TSPAN9: variants seen among roughly 807,000 people sequenced by gnomAD.
TSPAN9 encodes tetraspanin 9.
TSPAN9 carries 16 observed loss-of-function variants against 31.0 expected under a neutral mutation model. The observed-to-expected ratio is 0.52, with a 90% CI of 0.35 to 0.78. TSPAN9 has a LOEUF of 0.78. Among genes scored for constraint, TSPAN9 ranks in the 30% least tolerant of loss-of-function variants. TSPAN9 has a pLI of 0.01. For synonymous variants in TSPAN9, 145 were observed against 121.6 expected, an observed-to-expected ratio of 1.19 and a Z score of -1.27; for missense variants, 272 against 312.5, an observed-to-expected ratio of 0.87 and a Z score of 0.98.
rs777364548 is a variant in TSPAN9, at chr12:3,281,724, C to T, written c.565-10C>T. On this transcript the variant is annotated splice_polypyrimidine_tract_variant and intron_variant, in intron 7 of 8. Transcript: ENST00000011898. ...GCTGGGACCCTAACCTCGTGGGCCT[C>T]GCTCCCCAGGGCTGCTATGAAAAGG... is the stretch of plus-strand genomic sequence containing the variant. 29 of 1,608,036 alleles carry T rather than the reference C, an allele frequency of 1.8e-5. No individual in the cohort carries two copies. Among genetic ancestry groups the T allele is most frequent in the East Asian group, 1.1e-4 (5 of 44,648 alleles).
At chr12:3,190,826 T>C (rs2098363990) in intron 2 of TSPAN9, among the ~76,000 whole-genome samples, 1 of 152,246 alleles carries the variant, frequency 6.6e-6, no homozygotes, top group Non-Finnish European at 1.5e-5. Flanking sequence ...ACAAAGGTTC[T>C]TCCTGTTGCT....
rs74462168 is a variant in TSPAN9, at chr12:3,124,360, T to C, written c.-18+40641T>C. Among the ~76,000 whole-genome samples, 536 of 152,314 alleles carry C rather than the reference T, an allele frequency of 3.5e-3. 16 individuals are homozygous for C. The East Asian group carries it at 0.089, about 25-fold the overall frequency. Reference sequence around the variant, plus strand: ...GTTATATTTTTTCATTGCAGCACTATTTATAGTAGCTAAAAATTGGAAGCA... The same window carrying C: ...GTTATATTTTTTCATTGCAGCACTACTTATAGTAGCTAAAAATTGGAAGCA... On this transcript the variant is annotated intron_variant, in intron 2 of 8. Coordinates refer to ENST00000011898, the MANE Select transcript of TSPAN9 (RefSeq NM_006675.5).
intron 1 of TSPAN9, among the ~76,000 whole-genome samples, chr12:3,081,676 CTG>C (rs1218562097): frequency 6.6e-6 from 1 of 151,878 alleles, no homozygotes; most frequent in Non-Finnish European, 1.5e-5. Flanking sequence ...GTATAAGAGT[CTG>C]TGCTGGGCTG....
intron 3 of TSPAN9, among the ~76,000 whole-genome samples, chr12:3,208,481 G>A (rs1290214778): frequency 6.6e-6 from 1 of 152,216 alleles, no homozygotes; most frequent in Non-Finnish European, 1.5e-5. Context: ...TCCTAGGGGT[G>A]ACAAGTGGGG....
chr12:3,271,322 A>G (rs994483228), intron 3 of TSPAN9, among the ~76,000 whole-genome samples: 5 of 152,204 alleles, frequency 3.3e-5, no homozygotes, highest in East Asian at 1.9e-4. Flanking sequence ...ACTCAAGCCA[A>G]TGGGGCCTTA....
chr12:3,137,706 G>A (rs774869608), intron 2 of TSPAN9, among the ~76,000 whole-genome samples: 1 of 152,186 alleles, frequency 6.6e-6, no homozygotes, highest in Non-Finnish European at 1.5e-5. Context: ...TGCTGAGAGG[G>A]AAGGGGGATT....
In TSPAN9 at chr12:3,229,560, C is replaced by A. The variant is rs186189788; in HGVS notation, c.63+28304C>A. Among the ~76,000 whole-genome samples, 588 of 152,376 alleles carry A rather than the reference C, an allele frequency of 3.9e-3. 2 individuals carry two copies. Among genetic ancestry groups the A allele is most frequent in the Middle Eastern group, 0.017 (5 of 294 alleles). ...CCTTCTGCAGCATCCCTGTCTGGGG[C>A]TTACTGGCAAGTAGCTTTCACCAGG... On this transcript the variant is annotated intron_variant, in intron 3 of 8. Transcript: ENST00000011898.
intron 2 of TSPAN9, among the ~76,000 whole-genome samples, chr12:3,164,577 C>T (rs887998809): frequency 6.6e-6 from 1 of 152,210 alleles, no homozygotes; most frequent in Non-Finnish European, 1.5e-5. Flanking sequence ...GAGATTGACA[C>T]CCAGAGGTTG....
intron 2 of TSPAN9, among the ~76,000 whole-genome samples, chr12:3,198,226 AC>A (rs1468948147): frequency 1.1e-5 from 1 of 88,472 alleles, no homozygotes; most frequent in African/African-American, 4.3e-5. Flanking sequence ...AGCACAGGTC[AC>A]CACCAGCACA....
At chr12:3,095,573 CGGCCG>C (rs2098307866) in intron 2 of TSPAN9, among the ~76,000 whole-genome samples, 2 of 126,334 alleles carry the variant, frequency 1.6e-5, no homozygotes, top group Non-Finnish European at 3.5e-5. Flanking sequence ...CCAGTAGGGG[CGGCCG>C]GGCAGAGGCG....
intron 2 of TSPAN9, among the ~76,000 whole-genome samples, chr12:3,132,482 T>C (rs2098330244): frequency 6.6e-6 from 1 of 152,042 alleles, no homozygotes; most frequent in South Asian, 2.1e-4. Flanking sequence ...TGAAGTGGTA[T>C]CTTACTGTGC....
intron 3 of TSPAN9, among the ~76,000 whole-genome samples, chr12:3,261,508 G>A (rs1054352407): frequency 1.3e-5 from 2 of 152,146 alleles, no homozygotes; most frequent in Admixed American, 6.5e-5. Flanking sequence ...ACTCCCGGCT[G>A]GAAGAATAGA....
rs375991019 is a variant in TSPAN9, at chr12:3,190,113, T to C, written c.-17-11064T>C. On this transcript the variant is annotated intron_variant, in intron 2 of 8. Transcript: ENST00000011898. Reference sequence around the variant, plus strand: ...ACACACTGCCTTCTTCCACATTGGCTCTAGTACCAGCCCCGTAGAGGGAGA... The same window carrying C: ...ACACACTGCCTTCTTCCACATTGGCCCTAGTACCAGCCCCGTAGAGGGAGA... Among the ~76,000 whole-genome samples the C allele has an allele frequency of 1.1e-3, 173 of 152,280 alleles. 5 individuals carry two copies. In the South Asian group the frequency reaches 0.034, roughly 30 times the overall value.
intron 3 of TSPAN9, among the ~76,000 whole-genome samples, chr12:3,218,288 C>CT (rs1377848547): frequency 6.6e-6 from 1 of 152,206 alleles, no homozygotes; most frequent in Non-Finnish European, 1.5e-5. Flanking sequence ...GCTCACAGCT[C>CT]TGAGTGCTTT....
At chr12:3,279,475 T>C (rs963354421) in intron 5 of TSPAN9, among the ~76,000 whole-genome samples, 12 of 152,222 alleles carry the variant, frequency 7.9e-5, no homozygotes, top group African/African-American at 2.7e-4. Flanking sequence ...GGAGGAACTC[T>C]CTGGGCGACG....
chr12:3,196,565 T>A (rs2098367199), intron 2 of TSPAN9, among the ~76,000 whole-genome samples: 1 of 152,214 alleles, frequency 6.6e-6, no homozygotes, highest in Non-Finnish European at 1.5e-5. Flanking sequence ...AGTTACTTTG[T>A]GGGAAGCTGG....
At position 3,281,328 on chromosome 12, in the gene TSPAN9, C is replaced by T. The variant is rs752951874; in HGVS notation, c.563C>T (p.Thr188Met). The change falls in exon 7 of 9, where the codon ACG becomes ATG. Residue 188 changes from threonine (T) to methionine (M), a missense_variant and splice_region_variant. Coordinates refer to ENST00000011898, the MANE Select transcript of TSPAN9 (RefSeq NM_006675.5). ...GRNATTPLWR[T>M]GCYEKVKMWF... Reference sequence around the variant, plus strand: ...AACGCCACCACGCCTTTGTGGAGAACGGTGAGGCTGGGGATGGACCGCTTG... The same window carrying T: ...AACGCCACCACGCCTTTGTGGAGAATGGTGAGGCTGGGGATGGACCGCTTG... 51 of 1,549,302 alleles carry T rather than the reference C, an allele frequency of 3.3e-5. No individual in the cohort carries two copies. Among genetic ancestry groups the T allele is most frequent in the African/African-American group, 6.9e-5 (5 of 72,970 alleles).
chr12:3,125,035 C>T (rs1591638461), intron 2 of TSPAN9: 1 of 151,998 alleles, frequency 6.6e-6, no homozygotes, highest in Non-Finnish European at 1.5e-5. Flanking sequence ...TGTGCTTTAG[C>T]CTGGGTGACA....
At chr12:3,230,700 T>TGC (rs1363184716) in intron 3 of TSPAN9, among the ~76,000 whole-genome samples, 3 of 151,454 alleles carry the variant, frequency 2.0e-5, no homozygotes, top group Non-Finnish European at 2.9e-5. Flanking sequence ...GGGGTAAGAG[T>TGC]CCATGCCGGC....
Sources: gnomAD v4.1 joint callset for allele counts (sites outside exome capture counted in the v4.1 genomes callset) on GRCh38, gnomAD v4.1.1 for gene constraint, MANE v1.5 for transcripts, NCBI Gene and HGNC (gene_info 2026-07-23, HGNC 2026-07-21) for gene names.